Variants in VWA3A observed in about 807,000 individuals in gnomAD.
VWA3A encodes von Willebrand factor A domain-containing protein 3A.
A neutral mutation model predicts 160.4 loss-of-function variants in VWA3A; 134 were observed. The observed-to-expected ratio is 0.84, with a 90% CI of 0.73 to 0.96. VWA3A has a LOEUF of 0.96. Among genes scored for constraint, VWA3A ranks in the 40% least tolerant of loss-of-function variants. The probability of loss-of-function intolerance (pLI) is 0.00; values close to 1 mark genes in which losing one functional copy is unlikely to be tolerated. For missense variants in VWA3A, 1,310 were observed against 1,447.9 expected (o/e 0.90, Z 1.55); for synonymous variants, 476 against 543.4 (o/e 0.88, Z 1.72).
intron 21 of VWA3A, among the ~76,000 whole-genome samples, chr16:22,135,971 A>G (rs1273298620): frequency 1.3e-5 from 2 of 151,822 alleles, no homozygotes; most frequent in Non-Finnish European, 2.9e-5. Flanking sequence ...TGTGTTTTTT[A>G]GTAGAGATGG....
chr16:22,121,556 T>G lies in VWA3A; in HGVS notation c.1295T>G (p.Phe432Cys), dbSNP rs890428736. Residue 432 changes from phenylalanine (F) to cysteine (C), a missense_variant, in exon 14 of 34, where the codon TTC becomes TGC. Coordinates refer to ENST00000389398, the MANE Select transcript of VWA3A (RefSeq NM_173615.5). ...SLYQVLAPNA[F>C]SPVEEFVPIL... is the part of the protein sequence containing the mutation. Reference sequence around the variant, plus strand: ...TATCAGGTCCTGGCACCCAATGCATTCTCTCCTGTGGAGGAATTTGTACCT... The same window carrying G: ...TATCAGGTCCTGGCACCCAATGCATGCTCTCCTGTGGAGGAATTTGTACCT... 4.3e-6 allele frequency: 7 copies of G among 1,613,708 alleles called. No homozygotes were observed. Among genetic ancestry groups the G allele is most frequent in the Non-Finnish European group, 5.9e-6 (7 of 1,179,826 alleles).
chr16:22,147,481 G>A, intron 27 of VWA3A: 1 of 675,184 alleles, frequency 1.5e-6, no homozygotes, highest in East Asian at 2.7e-5. Context: ...GGTTTCTGGG[G>A]CATCAGGAGG....
chr16:22,115,943 A>G (rs2045632720), intron 9 of VWA3A, among the ~76,000 whole-genome samples: 1 of 27,882 alleles, frequency 3.6e-5, no homozygotes, highest in African/African-American at 2.2e-4. Context: ...AAAGGAAGGG[A>G]GGAGGGGGTG....
At chr16:22,105,379 GGCA>G (rs2045469362) in intron 6 of VWA3A, among the ~76,000 whole-genome samples, 2 of 152,310 alleles carry the variant, frequency 1.3e-5, no homozygotes, top group South Asian at 4.1e-4. Context: ...TGTTGAGGCA[GGCA>G]GCCTGAGGTG....
intron 9 of VWA3A, among the ~76,000 whole-genome samples, chr16:22,115,883 A>G (rs1598059928): frequency 7.0e-5 from 2 of 28,586 alleles, no homozygotes; most frequent in African/African-American, 1.3e-3. Context: ...GGAAGGAAGG[A>G]AGGAAGGAAG....
chr16:22,109,219 T>C (rs2045520421), intron 6 of VWA3A, among the ~76,000 whole-genome samples: 1 of 152,156 alleles, frequency 6.6e-6, no homozygotes, highest in Non-Finnish European at 1.5e-5. Context: ...ACAATGACCA[T>C]GTATTACTTC....
At chr16:22,110,067 T>A (rs1390941111) in intron 7 of VWA3A, among the ~76,000 whole-genome samples, 2 of 152,190 alleles carry the variant, frequency 1.3e-5, no homozygotes, top group Non-Finnish European at 2.9e-5. Flanking sequence ...GTCAGATGGC[T>A]GGAGTCAAAT....
chr16:22,116,867 T>C lies in VWA3A; in HGVS notation c.924T>C (p.Pro308=). ...ITYRCDDQMP[P]AVLKNLAEAV... is the part of the protein sequence containing the mutation. ...ACAGATGCGATGATCAGATGCCCCC[T>C]GTGAGTGCCCGAGATTCTCTGAGGT... Residue 308 remains proline (P), a splice_region_variant and synonymous_variant, in exon 10 of 34, where the codon CCT becomes CCC. Coordinates refer to ENST00000389398, the MANE Select transcript of VWA3A (RefSeq NM_173615.5). The C allele has an allele frequency of 6.2e-7, 1 of 1,611,760 alleles. No homozygotes were observed. The highest frequency in any genetic ancestry group is 8.5e-7 in the Non-Finnish European group (1 of 1,178,948).
chr16:22,134,050 A>G (rs780456992), intron 20 of VWA3A, among the ~76,000 whole-genome samples: 2 of 151,876 alleles, frequency 1.3e-5, no homozygotes, highest in Non-Finnish European at 2.9e-5. Context: ...TGCAGCCTCA[A>G]CCTCCTGGAT....
intron 6 of VWA3A, among the ~76,000 whole-genome samples, chr16:22,104,735 G>T (rs1013657243): frequency 6.6e-6 from 1 of 152,130 alleles, no homozygotes. Context: ...AAGGGTAGAA[G>T]AGTGACCATG....
Position 22,092,668 on chromosome 16 carries a change from C to A in VWA3A, c.14+17C>A, listed in dbSNP as rs1901370620. 1 of 1,550,582 alleles carries A rather than the reference C, an allele frequency of 6.4e-7. No individual in the cohort carries two copies. Among genetic ancestry groups the A allele is most frequent in the Non-Finnish European group, 8.7e-7 (1 of 1,146,344 alleles). ...GAAATACAGGTGAGGGTGAGCATCA[C>A]AAGGGTTGACAGGGGTGGTGAGAGG... On this transcript the variant is annotated intron_variant, in intron 1 of 33. Coordinates refer to ENST00000389398, the MANE Select transcript of VWA3A (RefSeq NM_173615.5).
Position 22,142,698 on chromosome 16 carries a change from G to A in VWA3A, c.2525G>A (p.Arg842Lys), listed in dbSNP as rs533965673. 1.3e-6 allele frequency: 2 copies of A among 1,573,788 alleles called. No homozygotes were observed. Among genetic ancestry groups the A allele is most frequent in the South Asian group, 2.3e-5 (2 of 85,422 alleles). The part of the protein sequence containing the change: ...GSVYKKYPQG[R>K]GLRRTSSSID... ...GTGTACAAGAAGTACCCTCAAGGAAGGGGCTTGAGAAGGACTAGCTCTTCT... is the reference window on the plus strand; with the variant it reads ...GTGTACAAGAAGTACCCTCAAGGAAAGGGCTTGAGAAGGACTAGCTCTTCT... The change falls in exon 25 of 34, where the codon AGG becomes AAG. Residue 842 changes from arginine to lysine, a missense_variant. Arg to Lys is a conservative substitution (Grantham distance 26, BLOSUM62 2). Transcript: ENST00000389398.
chr16:22,118,019 G>T (rs1307517733), intron 11 of VWA3A, among the ~76,000 whole-genome samples: 1 of 152,210 alleles, frequency 6.6e-6, no homozygotes, highest in Non-Finnish European at 1.5e-5. Context: ...GGTGGCTCAT[G>T]CCTGTAATCC....
Position 22,126,308 on chromosome 16 carries a change from C to T in VWA3A, c.1652+11C>T. On this transcript the variant is annotated intron_variant, in intron 17 of 33. Coordinates refer to ENST00000389398, the MANE Select transcript of VWA3A (RefSeq NM_173615.5). ...TTTCAACCTCATCGCGTATGTGTCT[C>T]CTGGCTCCTGGGGGCAAGGGTGGGT... 1 of 1,609,202 alleles carries T rather than the reference C, an allele frequency of 6.2e-7. No homozygotes were observed. The highest frequency in any genetic ancestry group is 8.5e-7 in the Non-Finnish European group (1 of 1,176,540).
At chr16:22,125,795 G>C (rs908667099) in intron 16 of VWA3A, among the ~76,000 whole-genome samples, 9 of 152,152 alleles carry the variant, frequency 5.9e-5, no homozygotes, top group African/African-American at 2.2e-4. Context: ...CTTAAACAAA[G>C]ATCAGAGAGG....
chr16:22,128,328 A>G (rs1325056428), intron 17 of VWA3A, among the ~76,000 whole-genome samples: 1 of 152,214 alleles, frequency 6.6e-6, no homozygotes, highest in Non-Finnish European at 1.5e-5. Flanking sequence ...CAGTTTGACT[A>G]TTGCAATTGC....
chr16:22,144,069 T>C (rs1438107000), intron 25 of VWA3A, among the ~76,000 whole-genome samples, 178 bp from the exon 26 acceptor site: 1 of 151,966 alleles, frequency 6.6e-6, no homozygotes, highest in African/African-American at 2.4e-5. Flanking sequence ...TTCTTGTGCA[T>C]TTCTCCCCCA....
At chr16:22,150,025 G>A (rs769683626) in intron 29 of VWA3A, 94 bp downstream of exon 29, 193 of 1,449,470 alleles carry the variant, frequency 1.3e-4, no homozygotes, top group Non-Finnish European at 1.5e-4. Context: ...TACAAAGGGC[G>A]CTTTATAATT....
chr16:22,106,043 G>A (rs1233915205), intron 6 of VWA3A, among the ~76,000 whole-genome samples: 1 of 152,154 alleles, frequency 6.6e-6, no homozygotes, highest in Admixed American at 6.5e-5. Context: ...GCTGTAAAAA[G>A]AAACAAAGCT....
Sources: gnomAD v4.1 joint callset for allele counts (sites outside exome capture counted in the v4.1 genomes callset) on GRCh38, gnomAD v4.1.1 for gene constraint, MANE v1.5 for transcripts, NCBI Gene and HGNC (gene_info 2026-07-23, HGNC 2026-07-21) for gene names.